The following ROBO1 variants were observed in gnomAD, a reference collection of about 807,000 sequenced individuals.
ROBO1 encodes the protein roundabout homolog 1.
ROBO1 carries 149 observed loss-of-function variants against 195.9 expected under a neutral mutation model. The ratio of observed to expected loss-of-function variants is 0.76; its 90% confidence interval spans 0.67 to 0.87. The LOEUF (loss-of-function observed/expected upper bound fraction) is 0.87. Among genes scored for constraint, ROBO1 ranks in the 40% least tolerant of loss-of-function variants. ROBO1 has a pLI of 0.00. For missense variants in ROBO1, 1,933 were observed against 2,068.3 expected, an observed-to-expected ratio of 0.93 and a Z score of 1.27; for synonymous variants, 816 against 733.2, an observed-to-expected ratio of 1.11 and a Z score of -1.82.
intron 2 of ROBO1, among the ~76,000 whole-genome samples, chr3:79,501,733 C>T (rs1179829603): frequency 3.9e-5 from 6 of 152,192 alleles, no homozygotes; most frequent in Admixed American, 3.9e-4. Flanking sequence ...CCCATGATTA[C>T]ATCCACAAAA....
At chr3:79,588,552 A>T (rs1943900917) in intron 2 of ROBO1, among the ~76,000 whole-genome samples, 1 of 151,696 alleles carries the variant, frequency 6.6e-6, no homozygotes, top group Admixed American at 6.6e-5. Context: ...CTTTCATATA[A>T]GTATCCTCTT....
intron 2 of ROBO1, among the ~76,000 whole-genome samples, chr3:79,423,688 T>C (rs1239875006): frequency 2.6e-5 from 4 of 152,044 alleles, no homozygotes; most frequent in Non-Finnish European, 5.9e-5. Flanking sequence ...CAGTACTATT[T>C]TTATTAGTTT....
intron 2 of ROBO1, among the ~76,000 whole-genome samples, chr3:79,239,669 G>A (rs2082476019): frequency 6.6e-6 from 1 of 152,176 alleles, no homozygotes; most frequent in Non-Finnish European, 1.5e-5. Flanking sequence ...CCTCAGTGAT[G>A]CTGTGAGCAC....
intron 3 of ROBO1, among the ~76,000 whole-genome samples, chr3:79,087,069 A>C (rs2079384235): frequency 6.6e-6 from 1 of 152,102 alleles, no homozygotes; most frequent in Non-Finnish European, 1.5e-5. Flanking sequence ...ATCATATTTA[A>C]TTAATATGCA....
At chr3:79,000,493 T>G (rs969786401) in intron 3 of ROBO1, among the ~76,000 whole-genome samples, 2 of 152,118 alleles carry the variant, frequency 1.3e-5, no homozygotes, top group African/African-American at 4.8e-5. Flanking sequence ...CAAAAGAAGA[T>G]ATTTATGTGG....
intron 2 of ROBO1, among the ~76,000 whole-genome samples, chr3:79,224,321 A>G (rs1336092484): frequency 6.6e-6 from 1 of 152,230 alleles, no homozygotes; most frequent in Non-Finnish European, 1.5e-5. Context: ...AACAATTTTC[A>G]TGCTTTCGGA....
chr3:79,489,220 G>A (rs775122582), intron 2 of ROBO1, among the ~76,000 whole-genome samples: 24 of 151,890 alleles, frequency 1.6e-4, no homozygotes, highest in Non-Finnish European at 1.5e-4. Flanking sequence ...TGTGGAATTC[G>A]AAACTATTTA....
chr3:79,523,953 G>C (rs929521876), intron 2 of ROBO1, among the ~76,000 whole-genome samples: 1 of 152,118 alleles, frequency 6.6e-6, no homozygotes, highest in African/African-American at 2.4e-5. Context: ...TGGATATGTG[G>C]TGTGCTTATT....
In ROBO1 at chr3:78,600,158, T is replaced by A; in HGVS notation, c.4896A>T (p.Val1632=). The change falls in exon 30 of 31, where the codon GTA becomes GTT. Residue 1632 remains valine (V), a synonymous_variant. Coordinates refer to ENST00000464233, the MANE Select transcript of ROBO1 (RefSeq NM_002941.4). The stretch of plus-strand genomic sequence containing the variant: ...CTTCTCCTCTTTCATATCCTCCAAG[T>A]ACCTGCATTTCTGCAATATTTCTTC... The part of the protein sequence containing the change: ...VGRRNIAEMQ[V]LGGYERGEDN... 6.2e-7 allele frequency: 1 copy of A among 1,613,386 alleles called. No homozygotes were observed. Among genetic ancestry groups the A allele is most frequent in the Non-Finnish European group, 8.5e-7 (1 of 1,179,540 alleles).
intron 3 of ROBO1, among the ~76,000 whole-genome samples, chr3:79,039,924 G>T (rs1228020812): frequency 2.0e-5 from 3 of 151,086 alleles, no homozygotes; most frequent in African/African-American, 7.3e-5. Flanking sequence ...TTTCAAGATT[G>T]CTATAATGAT....
intron 10 of ROBO1, among the ~76,000 whole-genome samples, chr3:78,680,659 C>T (rs1255252584): frequency 4.7e-5 from 7 of 148,442 alleles, no homozygotes; most frequent in African/African-American, 1.0e-4. Context: ...GTTAGAATGG[C>T]GATCATTAAA....
At chr3:78,856,346 C>T (rs1454881362) in intron 4 of ROBO1, among the ~76,000 whole-genome samples, 1 of 147,942 alleles carries the variant, frequency 6.8e-6, no homozygotes, top group Non-Finnish European at 1.5e-5. Context: ...CCAAGAACAA[C>T]CACATAAACA....
intron 3 of ROBO1, among the ~76,000 whole-genome samples, chr3:79,069,931 T>A (rs1158687032): frequency 6.6e-6 from 1 of 151,890 alleles, no homozygotes; most frequent in Non-Finnish European, 1.5e-5. Flanking sequence ...TTCTTTCTTT[T>A]TTTCCCTCCC....
intron 2 of ROBO1, among the ~76,000 whole-genome samples, chr3:79,458,686 G>T (rs951049101): frequency 1.3e-5 from 2 of 151,774 alleles, no homozygotes; most frequent in East Asian, 3.9e-4. Flanking sequence ...ATATTAAAAC[G>T]AAACACTATG....
At chr3:78,762,516 T>G (rs918097886) in intron 4 of ROBO1, among the ~76,000 whole-genome samples, 2 of 152,002 alleles carry the variant, frequency 1.3e-5, no homozygotes, top group Admixed American at 1.3e-4. Flanking sequence ...TAACCGAGGA[T>G]ACATATAATT....
chr3:78,736,133 C>T (rs189956026), intron 5 of ROBO1, among the ~76,000 whole-genome samples: 2 of 151,986 alleles, frequency 1.3e-5, no homozygotes, highest in East Asian at 1.9e-4. Flanking sequence ...CCCATTTTGT[C>T]GGAGAGTAAG....
intron 3 of ROBO1, among the ~76,000 whole-genome samples, chr3:78,992,319 T>C (rs2077257360): frequency 6.6e-6 from 1 of 152,066 alleles, no homozygotes; most frequent in Non-Finnish European, 1.5e-5. Context: ...CGTTTATTGG[T>C]GCAAAGGTAG....
intron 3 of ROBO1, among the ~76,000 whole-genome samples, chr3:78,943,194 C>T (rs897126984): frequency 9.2e-5 from 14 of 152,024 alleles, no homozygotes; most frequent in Non-Finnish European, 1.5e-4. Flanking sequence ...CCAGCCTGGG[C>T]GACAGAGAGA....
chr3:79,002,871 C>T (rs540596694), intron 3 of ROBO1, among the ~76,000 whole-genome samples: 5 of 152,086 alleles, frequency 3.3e-5, no homozygotes, highest in Non-Finnish European at 7.4e-5. Context: ...CAATGTGGCC[C>T]ACTGTATTGC....
Sources: gnomAD v4.1 joint callset for allele counts (sites outside exome capture counted in the v4.1 genomes callset) on GRCh38, gnomAD v4.1.1 for gene constraint, MANE v1.5 for transcripts, NCBI Gene and HGNC (gene_info 2026-07-23, HGNC 2026-07-21) for gene names.